Variants in ESPL1 observed in about 807,000 individuals in gnomAD.
ESPL1 encodes extra spindle pole bodies like 1, separase.
Under a neutral mutation model 217.2 loss-of-function variants are expected in ESPL1, and 50 were observed. The observed-to-expected ratio is 0.23, with a 90% CI of 0.18 to 0.29. The LOEUF (loss-of-function observed/expected upper bound fraction) is 0.29. ESPL1 is among the 10% of genes least tolerant of loss of function. ESPL1 has a pLI of 1.00. For synonymous variants in ESPL1, 994 were observed against 1,081.3 expected (o/e 0.92, Z 1.58); for missense variants, 1,834 against 2,603.0 (o/e 0.70, Z 6.43).
intron 16 of ESPL1, among the ~76,000 whole-genome samples, 158 bp downstream of exon 16, chr12:53,283,696 T>A (rs894496916): frequency 6.6e-6 from 1 of 152,238 alleles, no homozygotes; most frequent in Non-Finnish European, 1.5e-5. Context: ...GCTGAGTTAA[T>A]CAAGGTTAGA....
intron 7 of ESPL1, among the ~76,000 whole-genome samples, chr12:53,275,864 C>A (rs1943758539): frequency 6.6e-6 from 1 of 151,974 alleles, no homozygotes. Context: ...GTGCGCCCAG[C>A]CTTCACGTAT....
At position 53,269,190 on chromosome 12, in the gene ESPL1, A is replaced by G. The variant is rs753753133; in HGVS notation, c.248A>G (p.Asp83Gly). Residue 83 changes from aspartate (D) to glycine (G), a missense_variant, in exon 3 of 31, where the codon GAT becomes GGT. Around this residue, in one of 5 missense-constraint regions of ESPL1, gnomAD observed 746 missense variants for 1,077.0 expected, o/e 0.69. Coordinates refer to ENST00000257934, the MANE Select transcript of ESPL1 (RefSeq NM_012291.5). The surrounding 1 kb of genome is among the most constrained non-coding windows in gnomAD (Gnocchi z 6.7). ...CTGGAGCTGGCAGAGCTGGCCTGTG[A>G]TGGCTACTTAGTGTCTACCCCACAG... ...SLLELAELAC[D>G]GYLVSTPQRP... 6.2e-7 allele frequency: 1 copy of G among 1,614,158 alleles called. No homozygotes were observed. Among genetic ancestry groups the G allele is most frequent in the South Asian group, 1.1e-5 (1 of 91,086 alleles).
chr12:53,282,216 G>C lies in ESPL1; in HGVS notation c.2620-48G>C, dbSNP rs199539226. 3.6e-4 allele frequency: 553 copies of C among 1,550,868 alleles called. 6 individuals carry two copies. Among genetic ancestry groups the C allele is most frequent in the Non-Finnish European group, 3.0e-5 (34 of 1,123,994 alleles). ...AATCTCCAGGGCCTCTCAAGCTCTG[G>C]AGTGCCTGACTGCCTTACTGCCTCC... On this transcript the variant is annotated intron_variant, in intron 13 of 30. Transcript: ENST00000257934. This position sits in a 1 kb window ranked among gnomAD's most constrained non-coding sequence, Gnocchi z 4.0.
At chr12:53,270,605 G>T in intron 4 of ESPL1, 73 bp from the exon 5 acceptor site, 2 of 1,605,204 alleles carry the variant, frequency 1.2e-6, no homozygotes, top group Non-Finnish European at 1.7e-6. Context: ...CTTGGCTTTG[G>T]GTGTGGAGTG....
intron 26 of ESPL1, 59 bp downstream of exon 26, chr12:53,291,919 A>G (rs1944066783): frequency 6.2e-7 from 1 of 1,600,564 alleles, no homozygotes; most frequent in South Asian, 1.1e-5. Flanking sequence ...ACTCATCCCC[A>G]TGCCCCTTCT....
chr12:53,275,394 G>C (rs1943748900), intron 7 of ESPL1, among the ~76,000 whole-genome samples: 1 of 152,144 alleles, frequency 6.6e-6, no homozygotes, highest in Non-Finnish European at 1.5e-5. Flanking sequence ...CCGGGAGGCG[G>C]AGGTTGCAGT....
At chr12:53,288,496 A>G in intron 19 of ESPL1, 42 bp from the exon 20 acceptor site, 1 of 1,577,516 alleles carries the variant, frequency 6.3e-7, no homozygotes, top group East Asian at 2.2e-5. Context: ...AGAGAATGGC[A>G]GGGGGAGGGA....
chr12:53,287,991 G>A lies in ESPL1; in HGVS notation c.4196G>A (p.Ser1399Asn), dbSNP rs187703318. The A allele has an allele frequency of 3.1e-6, 5 of 1,606,144 alleles. No homozygotes were observed. The Admixed American group carries it at 6.7e-5, about 22-fold the overall frequency. Residue 1399 changes from serine (S) to asparagine (N), a missense_variant, in exon 19 of 31, where the codon AGT becomes AAT. By Grantham distance (46) the Ser-to-Asn change is conservative. Transcript: ENST00000257934. ...TCTCAGGTGAACTTCAGTGATGACAGTGACTTGGAAGACCCTGTCTCAGCT... is the reference window on the plus strand; with the variant it reads ...TCTCAGGTGAACTTCAGTGATGACAATGACTTGGAAGACCCTGTCTCAGCT... ...TRLKVNFSDD[S>N]DLEDPVSAEA... is the part of the protein sequence containing the mutation.
intron 5 of ESPL1, among the ~76,000 whole-genome samples, chr12:53,271,963 T>C (rs943100001): frequency 1.3e-5 from 2 of 151,816 alleles, no homozygotes; most frequent in Non-Finnish European, 2.9e-5. Context: ...GGCAGGCGCC[T>C]GTACTCCCAG....
chr12:53,279,109 T>C lies in ESPL1; in HGVS notation c.2365-623T>C, dbSNP rs370578897. 1.1e-4 allele frequency among the ~76,000 whole-genome samples: 16 copies of C among 152,276 alleles called. No homozygotes were observed. In the East Asian group the frequency reaches 2.7e-3, roughly 26 times the overall value. ...TTTCACTATGTTGGCCAGGCTGATC[T>C]CGAACTCCTGATCTCAGGTGACCCG... On this transcript the variant is annotated intron_variant, in intron 11 of 30. Coordinates refer to ENST00000257934, the MANE Select transcript of ESPL1 (RefSeq NM_012291.5).
chr12:53,283,300 G>A lies in ESPL1; in HGVS notation c.2920+43G>A, dbSNP rs143702612. On this transcript the variant is annotated intron_variant, in intron 15 of 30. Coordinates refer to ENST00000257934, the MANE Select transcript of ESPL1 (RefSeq NM_012291.5). ...AGCAGGGCCCTCTTGGAATGGACAG[G>A]CTATGTGAGAGGGCTGCGGTTTTTT... The A allele has an allele frequency of 2.8e-4, 445 of 1,613,096 alleles. 2 individuals are homozygous for A. In the African/African-American group the frequency reaches 4.9e-3, roughly 18 times the overall value.
At chr12:53,270,231 G>A (rs3741663) in intron 3 of ESPL1, 146 bp downstream of exon 3, 601,695 of 936,610 alleles carry the variant, frequency 0.64, 196,509 homozygotes, top group East Asian at 0.81. Context: ...AAACAGCCTA[G>A]TCTATCCTGA....
At chr12:53,283,981 G>T (rs1943905239) in intron 16 of ESPL1, 77 bp from the exon 17 acceptor site, 2 of 1,107,794 alleles carry the variant, frequency 1.8e-6, no homozygotes, top group Non-Finnish European at 2.7e-6. Context: ...GCTTGGCCTG[G>T]GAAAGAGGCA....
Position 53,288,280 on chromosome 12 carries a change from C to G in ESPL1, c.4485C>G (p.Asp1495Glu). Reference sequence around the variant, plus strand: ...CCATCCCTGAGGAAGAACTGACTGACAACTGGAGAAAAATGAGCTTTGAGA... The same window carrying G: ...CCATCCCTGAGGAAGAACTGACTGAGAACTGGAGAAAAATGAGCTTTGAGA... ...MRTIPEEELT[D>E]NWRKMSFEIL... Residue 1495 changes from aspartate to glutamate, a missense_variant, in exon 19 of 31, where the codon GAC (aspartate) becomes GAG (glutamate). Physicochemically the swap from Asp to Glu is conservative, Grantham distance 45. Coordinates refer to ENST00000257934, the MANE Select transcript of ESPL1 (RefSeq NM_012291.5). The G allele has an allele frequency of 6.2e-7, 1 of 1,605,764 alleles. No individual in the cohort carries two copies. Among genetic ancestry groups the G allele is most frequent in the Non-Finnish European group, 8.5e-7 (1 of 1,176,766 alleles).
chr12:53,287,880 G>A, intron 18 of ESPL1, 92 bp from the exon 19 acceptor site: 1 of 1,267,738 alleles, frequency 7.9e-7, no homozygotes, highest in Non-Finnish European at 1.1e-6. Flanking sequence ...GTGTGATGGT[G>A]CCTGATGGTG....
chr12:53,276,849 C>T lies in ESPL1; in HGVS notation c.1930C>T (p.Gln644Ter). Residue 644 changes from glutamine to a stop codon, truncating the protein, a stop_gained, in exon 8 of 31, where the codon CAG becomes TAG. Transcript: ENST00000257934. LOFTEE classifies it high-confidence loss of function. ...GCTCTGCTACCACGACTTTACGCAG[C>T]AGACCAACTGGTAAGGAGTAGTAGC... is the stretch of plus-strand genomic sequence containing the variant. ...QVLCYHDFTQQTNCSALDAIR... is the reference protein window; with the variant it reads ...QVLCYHDFTQ 6.2e-7 allele frequency: 1 copy of T among 1,613,690 alleles called. No individual in the cohort carries two copies. The highest frequency in any genetic ancestry group is 8.5e-7 in the Non-Finnish European group (1 of 1,179,954).
At chr12:53,276,937 C>A in intron 8 of ESPL1, 78 bp downstream of exon 8, 1 of 1,570,238 alleles carries the variant, frequency 6.4e-7, no homozygotes, top group Non-Finnish European at 8.7e-7. Context: ...CAGTTTCCCT[C>A]TCCACAGCCC....
Position 53,292,857 on chromosome 12 carries a change from G to A in ESPL1, c.6048G>A (p.Leu2016=). The change falls in exon 30 of 31, where the codon CTG becomes CTA. Residue 2016 remains leucine (L), a synonymous_variant. Coordinates refer to ENST00000257934, the MANE Select transcript of ESPL1 (RefSeq NM_012291.5). This position sits in a 1 kb window ranked among gnomAD's most constrained non-coding sequence, Gnocchi z 4.5. ...GCTTCCTTGATGGGCAGGCTGTCCT[G>A]CGGCTGAGCTGTCGGGCAGTGGCCC... ...GARFLDGQAV[L]RLSCRAVALL... 1 of 1,612,594 alleles carries A rather than the reference G, an allele frequency of 6.2e-7. No homozygotes were observed. Among genetic ancestry groups the A allele is most frequent in the South Asian group, 1.1e-5 (1 of 91,084 alleles).
chr12:53,285,782 A>G (rs1441787836), intron 17 of ESPL1, 142 bp from the exon 18 acceptor site: 3 of 539,746 alleles, frequency 5.6e-6, no homozygotes, highest in Non-Finnish European at 9.9e-6. Flanking sequence ...TATGTTATAC[A>G]GTAATACATA....
Sources: allele counts gnomAD v4.1 joint callset (sites outside exome capture counted in the v4.1 genomes callset), GRCh38; gene constraint gnomAD v4.1.1; regional missense constraint gnomAD v4.1.1; non-coding constraint Gnocchi (gnomAD v3.1); transcripts MANE v1.5; gene names NCBI Gene and HGNC (gene_info 2026-07-23, HGNC 2026-07-21).